The following RBMS3 variants were observed in gnomAD, a reference collection of about 807,000 sequenced individuals.
RBMS3 encodes the protein RNA binding motif single stranded interacting protein 3, also known as RNA-binding motif, single-stranded-interacting protein 3.
Under a neutral mutation model 66.8 loss-of-function variants are expected in RBMS3, and 27 were observed. The observed-to-expected ratio is 0.40, with a 90% confidence interval of 0.30 to 0.56. RBMS3 has a LOEUF of 0.56. Among genes scored for constraint, RBMS3 ranks in the 20% least tolerant of loss-of-function variants. The pLI is 0.40. For synonymous variants in RBMS3, 188 were observed against 183.0 expected (o/e 1.03, Z -0.22); for missense variants, 513 against 549.5 (o/e 0.93, Z 0.66).
chr3:29,445,604 A>G, intron 2 of RBMS3, among the ~76,000 whole-genome samples: 1 of 152,128 alleles, frequency 6.6e-6, no homozygotes, highest in East Asian at 1.9e-4. Flanking sequence ...ACACAATAAG[A>G]AACTGTTGGT....
intron 4 of RBMS3, among the ~76,000 whole-genome samples, chr3:29,620,606 T>C (rs1201566132): frequency 6.6e-6 from 1 of 152,156 alleles, no homozygotes; most frequent in Admixed American, 6.5e-5. Context: ...ATGTACTTGA[T>C]TTTCATATTG....
chr3:29,994,531 T>C (rs979485523), intron 14 of RBMS3, among the ~76,000 whole-genome samples: 52 of 152,340 alleles, frequency 3.4e-4, no homozygotes, highest in African/African-American at 1.2e-3. Flanking sequence ...AATGTCTCTG[T>C]CTGACAGCTT....
intron 2 of RBMS3, among the ~76,000 whole-genome samples, chr3:29,443,729 A>G (rs747035092): frequency 1.4e-4 from 22 of 152,196 alleles, no homozygotes; most frequent in Non-Finnish European, 2.4e-4. Flanking sequence ...GTGGAAGTAC[A>G]GGAAGGAGGT....
chr3:29,452,017 A>G (rs1052582479), intron 2 of RBMS3, among the ~76,000 whole-genome samples: 1 of 152,202 alleles, frequency 6.6e-6, no homozygotes, highest in East Asian at 1.9e-4. Context: ...GAACAAACAC[A>G]AATTAGGCCA....
chr3:29,581,901 A>G (rs1039213992), intron 3 of RBMS3, among the ~76,000 whole-genome samples: 19 of 152,202 alleles, frequency 1.2e-4, no homozygotes, highest in Admixed American at 5.9e-4. Flanking sequence ...ACACACACAT[A>G]AAGAACAATC....
At chr3:29,399,614 C>A (rs2039715323) in intron 1 of RBMS3, among the ~76,000 whole-genome samples, 1 of 152,152 alleles carries the variant, frequency 6.6e-6, no homozygotes, top group Non-Finnish European at 1.5e-5. Flanking sequence ...CATCAATGTC[C>A]TGAATTTTGC....
At chr3:29,470,869 C>A (rs1220026574) in intron 2 of RBMS3, among the ~76,000 whole-genome samples, 2 of 140,934 alleles carry the variant, frequency 1.4e-5, no homozygotes, top group African/African-American at 5.3e-5. Flanking sequence ...TAACTAATAA[C>A]TACTGATTCC....
rs79101590 is a variant in RBMS3, at chr3:29,728,746, T to C, written c.400-10974T>C. 6.6e-4 allele frequency among the ~76,000 whole-genome samples: 100 copies of C among 152,304 alleles called. No individual in the cohort carries two copies. In the East Asian group the frequency reaches 0.014, roughly 22 times the overall value. On this transcript the variant is annotated intron_variant, in intron 4 of 14. Coordinates refer to ENST00000383767, the MANE Select transcript of RBMS3 (RefSeq NM_001003793.3). The stretch of plus-strand genomic sequence containing the variant: ...AGACTAGGATGAAATAAATCTACTA[T>C]ATGCCATCCTTCACTTAGACTGACA...
intron 1 of RBMS3, among the ~76,000 whole-genome samples, chr3:29,422,892 TAGGACTTCAAA>T (rs745859718): frequency 3.9e-5 from 6 of 152,240 alleles, no homozygotes; most frequent in Non-Finnish European, 7.3e-5. Context: ...TTCTTAGATT[TAGGACTTCAAA>T]GGCCTAGGTT....
chr3:29,347,133 A>T (rs982269915), intron 1 of RBMS3, among the ~76,000 whole-genome samples: 2 of 152,188 alleles, frequency 1.3e-5, no homozygotes, highest in Admixed American at 6.5e-5. Context: ...CTGGAGGCTG[A>T]TGAGAGAGAC....
chr3:29,305,610 T>C (rs1412522355), intron 1 of RBMS3, among the ~76,000 whole-genome samples: 1 of 151,932 alleles, frequency 6.6e-6, no homozygotes, highest in Non-Finnish European at 1.5e-5. Flanking sequence ...CCCACACACA[T>C]ACTGTAGCCA....
chr3:29,940,468 A>G (rs2061366073), intron 11 of RBMS3, among the ~76,000 whole-genome samples: 1 of 151,862 alleles, frequency 6.6e-6, no homozygotes, highest in Admixed American at 6.6e-5. Flanking sequence ...CTAGAGTAGG[A>G]AGTGATCAGG....
chr3:29,912,883 T>C (rs959050009), intron 10 of RBMS3, among the ~76,000 whole-genome samples: 1 of 151,988 alleles, frequency 6.6e-6, no homozygotes, highest in African/African-American at 2.4e-5. Context: ...ATTTTACCTC[T>C]CATGGAAAAG....
chr3:29,601,999 G>A (rs985479016), intron 4 of RBMS3, among the ~76,000 whole-genome samples: 1 of 151,962 alleles, frequency 6.6e-6, no homozygotes, highest in African/African-American at 2.4e-5. Context: ...TGAAGAAAAT[G>A]ACAATTGTCA....
intron 4 of RBMS3, among the ~76,000 whole-genome samples, chr3:29,619,296 AAC>A (rs2048784239): frequency 1.3e-5 from 2 of 151,924 alleles, no homozygotes; most frequent in African/African-American, 2.4e-5. Flanking sequence ...GAATAAAGAA[AAC>A]AGTTTTAGTT....
In RBMS3 at chr3:29,637,340, T is replaced by G. The variant is rs922248534; in HGVS notation, c.399+50135T>G. ...CATATAGAAACCTTAGTTGATATGC[T>G]CTACCCACCACCACCTCCGAAAGAT... On this transcript the variant is annotated intron_variant, in intron 4 of 14. Transcript: ENST00000383767. Among the ~76,000 whole-genome samples the G allele has an allele frequency of 2.0e-5, 3 of 151,824 alleles. No homozygotes were observed. The East Asian group carries it at 5.8e-4, about 29-fold the overall frequency.
intron 4 of RBMS3, among the ~76,000 whole-genome samples, chr3:29,684,857 G>A (rs1237152077): frequency 6.6e-6 from 1 of 151,574 alleles, no homozygotes. Flanking sequence ...TTTGTGTACA[G>A]AAAAGGATAA....
chr3:29,787,139 C>T (rs994402323), intron 6 of RBMS3, among the ~76,000 whole-genome samples: 4 of 151,864 alleles, frequency 2.6e-5, no homozygotes, highest in African/African-American at 9.7e-5. Flanking sequence ...GATACCACCT[C>T]ACTCCTACAA....
intron 3 of RBMS3, among the ~76,000 whole-genome samples, chr3:29,489,739 TAAAA>T (rs201069908): frequency 1.6e-5 from 2 of 124,020 alleles, no homozygotes; most frequent in Admixed American, 1.6e-4. Flanking sequence ...CACGTAGCTG[TAAAA>T]AAAAAAAAAA....
Sources: gnomAD v4.1 joint callset for allele counts (sites outside exome capture counted in the v4.1 genomes callset) on GRCh38, gnomAD v4.1.1 for gene constraint, MANE v1.5 for transcripts, NCBI Gene and HGNC (gene_info 2026-07-23, HGNC 2026-07-21) for gene names.